LIG1: variants seen among roughly 807,000 people sequenced by gnomAD.
LIG1 encodes the protein ligase I, DNA, ATP-dependent.
In LIG1, 70 loss-of-function variants were observed where a neutral mutation model predicts 115.7. The ratio of observed to expected loss-of-function variants is 0.60; its 90% CI spans 0.50 to 0.74. The LOEUF (loss-of-function observed/expected upper bound fraction) is 0.74, where lower values mean the gene tolerates loss of function less well. Ranked by LOEUF, LIG1 falls within the 30% of genes least tolerant of loss-of-function variation. The probability of loss-of-function intolerance (pLI) is 0.00; values close to 1 mark genes in which losing one functional copy is unlikely to be tolerated. For synonymous variants in LIG1, 487 were observed against 495.3 expected (o/e 0.98, Z 0.22); for missense variants, 1,115 against 1,225.6 (o/e 0.91, Z 1.35).
intron 19 of LIG1, among the ~76,000 whole-genome samples, chr19:48,130,537 C>A (rs1173592405): frequency 6.6e-6 from 1 of 152,180 alleles, no homozygotes; most frequent in African/African-American, 2.4e-5. Flanking sequence ...CGTCCTGACT[C>A]CTCCTCCCCG....
intron 4 of LIG1, 69 bp downstream of exon 4, chr19:48,161,303 C>A (rs2036161597): frequency 6.3e-7 from 1 of 1,593,710 alleles, no homozygotes; most frequent in Non-Finnish European, 8.6e-7. Context: ...ACAGCTGCTG[C>A]ACTCTGTTCC....
intron 1 of LIG1, chr19:48,165,853 G>C: frequency 1.8e-6 from 1 of 548,138 alleles, no homozygotes; most frequent in Non-Finnish European, 3.3e-6. Context: ...TTTACCATAA[G>C]AAGACTGTTT....
At chr19:48,157,445 T>A (rs576270795) in intron 4 of LIG1, among the ~76,000 whole-genome samples, 5 of 152,224 alleles carry the variant, frequency 3.3e-5, no homozygotes, top group Admixed American at 3.3e-4. Context: ...GCCTGGCTAA[T>A]TTTTGTATTT....
intron 21 of LIG1, among the ~76,000 whole-genome samples, chr19:48,126,606 CAA>C (rs1053509897): frequency 2.1e-4 from 22 of 103,490 alleles, no homozygotes; most frequent in Non-Finnish European, 2.2e-4. Context: ...ACTCTTATCT[CAA>C]AAAAAAAAAA....
At chr19:48,131,227 G>T in intron 18 of LIG1, 56 bp from the exon 19 acceptor site, 2 of 1,360,580 alleles carry the variant, frequency 1.5e-6, no homozygotes, top group Non-Finnish European at 1.1e-6. Context: ...TGTGGCCTCA[G>T]CTTTCTCTTC....
chr19:48,115,773 G>T, intron 27 of LIG1, 41 bp from the exon 28 acceptor site: 1 of 1,585,690 alleles, frequency 6.3e-7, no homozygotes, highest in Non-Finnish European at 8.7e-7. Context: ...GAAGCTCCCT[G>T]GCTGCTCCCA....
intron 2 of LIG1, 104 bp downstream of exon 2, chr19:48,165,446 C>A: frequency 2.1e-6 from 2 of 957,214 alleles, no homozygotes; most frequent in Non-Finnish European, 1.7e-6. Context: ...CAAAATCTAA[C>A]GTAAGAGTTT....
chr19:48,154,075 C>T, intron 5 of LIG1, 108 bp from the exon 6 acceptor site: 1 of 861,668 alleles, frequency 1.2e-6, no homozygotes, highest in Non-Finnish European at 2.0e-6. Flanking sequence ...GGGCCCTCTC[C>T]CCTTCTCTGC....
At chr19:48,142,775 C>G (rs192605018) in intron 11 of LIG1, among the ~76,000 whole-genome samples, 5 of 152,152 alleles carry the variant, frequency 3.3e-5, no homozygotes, top group East Asian at 1.9e-4. Context: ...TCCTGAGTAG[C>G]CGGGATTACA....
chr19:48,170,244 G>C lies in LIG1; in HGVS notation c.-61C>G, dbSNP rs760090392. The C allele has an allele frequency of 1.1e-5, 5 of 455,400 alleles. No individual in the cohort carries two copies. Among genetic ancestry groups the C allele is most frequent in the South Asian group, 7.8e-5 (5 of 64,498 alleles). The allele number at this position is 455,400 out of a possible 1,614,324, so 28.2% of individuals were successfully genotyped here. A position where few individuals can be genotyped will look rare whatever the true frequency, so the allele number is the denominator to read the frequency against. On this transcript the variant is annotated 5_prime_UTR_variant, in exon 1 of 28. Coordinates refer to ENST00000263274, the MANE Select transcript of LIG1 (RefSeq NM_000234.3). ...GCTTGCGGACGGCCCCACTTGCCTT[G>C]CGTTGGTCCCGCGCGCCGCTGCCCG...
At chr19:48,160,578 A>G (rs533075904) in intron 4 of LIG1, among the ~76,000 whole-genome samples, 4 of 152,328 alleles carry the variant, frequency 2.6e-5, no homozygotes, top group East Asian at 3.9e-4. Flanking sequence ...CACCACTGAC[A>G]GAATAAGCAG....
chr19:48,127,796 T>G (rs1599758678), intron 20 of LIG1, 114 bp downstream of exon 20: 1 of 877,128 alleles, frequency 1.1e-6, no homozygotes, highest in Non-Finnish European at 2.0e-6. Flanking sequence ...CTGAGAGAAG[T>G]GCATCCAGAC....
chr19:48,167,841 A>AC (rs2036562445), intron 1 of LIG1, among the ~76,000 whole-genome samples: 12 of 147,336 alleles, frequency 8.1e-5, no homozygotes, highest in African/African-American at 3.0e-4. Flanking sequence ...AAAAAAAAAA[A>AC]AAAAAAAAAC....
At position 48,164,586 on chromosome 19, in the gene LIG1, C is replaced by T. The variant is rs34115345; in HGVS notation, c.17+964G>A. 2.0e-5 allele frequency among the ~76,000 whole-genome samples: 3 copies of T among 152,210 alleles called. No homozygotes were observed. The East Asian group carries it at 5.8e-4, about 29-fold the overall frequency. ...GCCAGTGAAACTGGGCTCTAACACC[C>T]TCTTTCCAAGGGGACCGCTAAGAGG... On this transcript the variant is annotated intron_variant, in intron 2 of 27. Transcript: ENST00000263274.
chr19:48,134,515 G>T (rs1375659752), intron 16 of LIG1, among the ~76,000 whole-genome samples: 3 of 152,150 alleles, frequency 2.0e-5, no homozygotes, highest in African/African-American at 7.2e-5. Context: ...AAAGTTAGCT[G>T]GGGGTGGTGG....
intron 9 of LIG1, among the ~76,000 whole-genome samples, chr19:48,145,371 G>A (rs948240140): frequency 1.3e-5 from 2 of 152,170 alleles, no homozygotes; most frequent in Admixed American, 6.5e-5. Context: ...TCCCTACTAT[G>A]ACAGGTTGTC....
rs74415340 is a variant in LIG1, at chr19:48,164,687, A to C, written c.17+863T>G. On this transcript the variant is annotated intron_variant, in intron 2 of 27. Transcript: ENST00000263274. ...AATGGAGAGAGACAGATTCCCAGGG[A>C]GGAAGTTTTGGCAACTGGATCGAAC... 2.7e-3 allele frequency among the ~76,000 whole-genome samples: 405 copies of C among 152,318 alleles called. 2 individuals carry two copies. The highest frequency in any genetic ancestry group is 9.3e-3 in the African/African-American group (387 of 41,558).
Position 48,140,911 on chromosome 19 carries a change from G to A in LIG1, c.915-768C>T, listed in dbSNP as rs182583367. On this transcript the variant is annotated intron_variant, in intron 11 of 27. Coordinates refer to ENST00000263274, the MANE Select transcript of LIG1 (RefSeq NM_000234.3). Reference sequence around the variant, plus strand: ...CTGATTTGAGTAAAAATGAAACTCCGGTCTCCCGCACAGCCAGCTCTGCGG... The same window carrying A: ...CTGATTTGAGTAAAAATGAAACTCCAGTCTCCCGCACAGCCAGCTCTGCGG... Among the ~76,000 whole-genome samples the A allele has an allele frequency of 3.3e-4, 50 of 152,226 alleles. No homozygotes were observed. In the East Asian group the frequency reaches 6.2e-3, roughly 19 times the overall value.
In LIG1 at chr19:48,132,953, G is replaced by GT. The variant is rs373793495; in HGVS notation, c.1725+28dup. 2.6e-4 allele frequency: 392 copies of GT among 1,502,994 alleles called. 2 individuals carry two copies. The African/African-American group carries it at 4.7e-3, about 18-fold the overall frequency. 93.1% of individuals were successfully genotyped at this position (1,502,994 alleles called of 1,614,324 possible). A position where few individuals can be genotyped will look rare whatever the true frequency, so the allele number is the denominator to read the frequency against. ...CCTGCTCTTTGACGTTTTCCTGTCT[G>GT]TGGAAGGGACATGTCCCACTCCCCA... On this transcript the variant is annotated intron_variant, in intron 18 of 27. Transcript: ENST00000263274.
Sources: allele counts gnomAD v4.1 joint callset (sites outside exome capture counted in the v4.1 genomes callset), GRCh38; gene constraint gnomAD v4.1.1; transcripts MANE v1.5; gene names NCBI Gene and HGNC (gene_info 2026-07-23, HGNC 2026-07-21).